UGT3A2: variants seen among roughly 807,000 people sequenced by gnomAD.
The protein encoded by UGT3A2 is UDP glycosyltransferase family 3 member A2, also known as UDP-glycosyltransferase 3A2.
Under a neutral mutation model 39.8 loss-of-function variants are expected in UGT3A2, and 32 were observed. The ratio of observed to expected loss-of-function variants is 0.80; its 90% CI spans 0.61 to 1.08. The LOEUF is 1.08. UGT3A2 is among the 50% of genes least tolerant of loss of function. The pLI is 0.00. For missense variants in UGT3A2, 611 were observed against 637.1 expected (o/e 0.96, Z 0.44); for synonymous variants, 241 against 230.7 (o/e 1.04, Z -0.40).
At chr5:36,066,657 G>C (rs747138711) in intron 1 of UGT3A2, 39 bp downstream of exon 1, 1 of 1,613,018 alleles carries the variant, frequency 6.2e-7, no homozygotes, top group Non-Finnish European at 8.5e-7. Context: ...CGAGTATCCG[G>C]GACGCGCCTG....
intron 2 of UGT3A2, among the ~76,000 whole-genome samples, chr5:36,063,460 C>G (rs969601143): frequency 1.3e-5 from 2 of 152,154 alleles, no homozygotes; most frequent in Non-Finnish European, 2.9e-5. Context: ...ACTTATTTTT[C>G]AAGAATGCAA....
chr5:36,041,262 A>C (rs1466956732), intron 4 of UGT3A2, among the ~76,000 whole-genome samples: 2 of 152,178 alleles, frequency 1.3e-5, no homozygotes, highest in Non-Finnish European at 2.9e-5. Flanking sequence ...TCCAGGACCC[A>C]GTTCCTGGAC....
intron 3 of UGT3A2, among the ~76,000 whole-genome samples, chr5:36,050,044 C>T (rs1182448949): frequency 6.6e-6 from 1 of 151,004 alleles, no homozygotes; most frequent in Non-Finnish European, 1.5e-5. Context: ...TTTTGAAACG[C>T]ATTATTTTTT....
Position 36,035,927 on chromosome 5 carries a change from G to A in UGT3A2, c.1343C>T (p.Pro448Leu), listed in dbSNP as rs772287712. Reference sequence around the variant, plus strand: ...CACCAGCCGCTGTGTGGGGCTGAGCGGGTGGGAGCGCAGGATGACACTGGC... The same window carrying A: ...CACCAGCCGCTGTGTGGGGCTGAGCAGGTGGGAGCGCAGGATGACACTGGC... ...VAASVILRSH[P>L]LSPTQRLVGW... The change falls in exon 7 of 7, where the codon CCG (proline) becomes CTG (leucine). Residue 448 changes from proline to leucine, a missense_variant. By Grantham distance (98) the Pro-to-Leu change is moderately conservative (BLOSUM62 -3). Transcript: ENST00000282507. 2.2e-5 allele frequency: 35 copies of A among 1,614,074 alleles called. No individual in the cohort carries two copies. The highest frequency in any genetic ancestry group is 1.6e-4 in the Middle Eastern group (1 of 6,084).
chr5:36,046,694 C>A (rs1353039766), intron 4 of UGT3A2, among the ~76,000 whole-genome samples: 2 of 152,076 alleles, frequency 1.3e-5, no homozygotes, highest in Non-Finnish European at 2.9e-5. Context: ...TTTGATAGCA[C>A]AACAGGGTGA....
intron 2 of UGT3A2, among the ~76,000 whole-genome samples, chr5:36,058,217 T>C (rs919812042): frequency 1.3e-5 from 2 of 152,196 alleles, no homozygotes; most frequent in African/African-American, 4.8e-5. Context: ...TTCTAACACA[T>C]GCTAAATATG....
At chr5:36,036,184 T>C (rs566646768) in intron 6 of UGT3A2, among the ~76,000 whole-genome samples, 8 of 152,316 alleles carry the variant, frequency 5.3e-5, no homozygotes, top group Non-Finnish European at 1.0e-4. Flanking sequence ...TTAAAAAAAG[T>C]GACTAAGTCC....
In UGT3A2 at chr5:36,049,261, C is replaced by A. The variant is rs1303795808; in HGVS notation, c.471G>T (p.Lys157Asn). The A allele has an allele frequency of 1.2e-6, 2 of 1,614,176 alleles. No homozygotes were observed. The highest frequency in any genetic ancestry group is 1.7e-5 in the Admixed American group (1 of 60,016). ...GAATGGCCACAAATGGCTTCCCAAG[C>A]TTCTCAGCAATCAGGAAAGGACAGT... ...FDYCPFLIAE[K>N]LGKPFVAILS... Residue 157 changes from lysine to asparagine, a missense_variant, in exon 4 of 7, where the codon AAG (lysine) becomes AAT (asparagine). By Grantham distance (94) the Lys-to-Asn change is moderately conservative. Transcript: ENST00000282507.
intron 1 of UGT3A2, 52 bp downstream of exon 1, chr5:36,066,644 G>A: frequency 6.2e-7 from 1 of 1,611,454 alleles, no homozygotes; most frequent in Non-Finnish European, 8.5e-7. Flanking sequence ...AGCCCTGGCA[G>A]TGCGAGTATC....
At chr5:36,052,042 A>G in intron 2 of UGT3A2, 58 bp from the exon 3 acceptor site, 1 of 1,052,760 alleles carries the variant, frequency 9.5e-7, no homozygotes, top group Non-Finnish European at 1.4e-6. Flanking sequence ...AAAGAGTAAC[A>G]TTAGCATAAC....
intron 2 of UGT3A2, among the ~76,000 whole-genome samples, chr5:36,052,499 T>C (rs2111740681): frequency 1.7e-5 from 1 of 58,236 alleles, no homozygotes; most frequent in South Asian, 6.0e-4. Flanking sequence ...TCTTGACAAA[T>C]GTCAAGCCCC....
chr5:36,054,690 TAA>T (rs34252526), intron 2 of UGT3A2, among the ~76,000 whole-genome samples: 67 of 150,516 alleles, frequency 4.5e-4, no homozygotes, highest in Admixed American at 2.8e-3. Flanking sequence ...AAAAAGAAAG[TAA>T]AAAAAAAAAT....
intron 2 of UGT3A2, among the ~76,000 whole-genome samples, chr5:36,057,335 T>C (rs1489215384): frequency 6.6e-6 from 1 of 152,074 alleles, no homozygotes; most frequent in Non-Finnish European, 1.5e-5. Flanking sequence ...ACGGATGAAA[T>C]GAAAAATGGG....
At position 36,048,114 on chromosome 5, in the gene UGT3A2, C is replaced by T. The variant is rs572683625; in HGVS notation, c.843+775G>A. Among the ~76,000 whole-genome samples, 3 of 152,318 alleles carry T rather than the reference C, an allele frequency of 2.0e-5. No individual in the cohort carries two copies. In the South Asian group the frequency reaches 6.2e-4, roughly 32 times the overall value. On this transcript the variant is annotated intron_variant, in intron 4 of 6. Transcript: ENST00000282507. ...GGGAAGGACACCTACATCACCTGAG[C>T]TTCTGTCCTTCTCCATTTATAAAAA...
At position 36,035,464 on chromosome 5, in the gene UGT3A2, A is replaced by C. The variant is rs1741787720; in HGVS notation, c.*234T>G. The C allele has an allele frequency of 3.5e-6, 2 of 571,740 alleles. No individual in the cohort carries two copies. The highest frequency in any genetic ancestry group is 6.0e-6 in the Non-Finnish European group (2 of 330,868). 35.4% of individuals were successfully genotyped at this position (571,740 alleles called of 1,614,324 possible). A position where few individuals can be genotyped will look rare whatever the true frequency, so the allele number is the denominator to read the frequency against. The stretch of plus-strand genomic sequence containing the variant: ...AGCATAGCCCTTGCTGATGGCAAAC[A>C]AAGGAGGACAAGAGGACTGGAAAGA... On this transcript the variant is annotated 3_prime_UTR_variant, in exon 7 of 7. Transcript: ENST00000282507.
intron 2 of UGT3A2, among the ~76,000 whole-genome samples, chr5:36,063,529 G>C (rs1454668354): frequency 1.3e-5 from 2 of 152,142 alleles, no homozygotes; most frequent in African/African-American, 4.8e-5. Context: ...CCCTGCAAAA[G>C]CTTACTTAAA....
chr5:36,037,297 T>C (rs1394526649), intron 6 of UGT3A2, among the ~76,000 whole-genome samples: 1 of 152,104 alleles, frequency 6.6e-6, no homozygotes, highest in African/African-American at 2.4e-5. Flanking sequence ...GGAAATGATG[T>C]AACTGGGGTA....
chr5:36,053,976 A>T (rs1742428466), intron 2 of UGT3A2, among the ~76,000 whole-genome samples: 1 of 152,182 alleles, frequency 6.6e-6, no homozygotes, highest in Non-Finnish European at 1.5e-5. Flanking sequence ...CCACATTGGA[A>T]GAAGAAGAAT....
rs1332055188 is a variant in UGT3A2, at chr5:36,049,309, CATGTCGA to C, written c.416_422del (p.Phe139TrpfsTer2). 1 of 1,614,028 alleles carries C rather than the reference CATGTCGA, an allele frequency of 6.2e-7. No homozygotes were observed. On this transcript the variant is annotated frameshift_variant, in exon 4 of 7. Coordinates refer to ENST00000282507, the MANE Select transcript of UGT3A2 (RefSeq NM_174914.4). LOFTEE classifies it high-confidence loss of function. The stretch of plus-strand genomic sequence containing the variant: ...AGTAGTCAAAAGTTTCAACTATCAC[CATGTCGA>C]AGTTCTCATTCTTTAAGGAATCCAT...
Sources: allele counts gnomAD v4.1 joint callset (sites outside exome capture counted in the v4.1 genomes callset), GRCh38; gene constraint gnomAD v4.1.1; transcripts MANE v1.5; gene names NCBI Gene and HGNC (gene_info 2026-07-23, HGNC 2026-07-21).